Variants in LMO7 observed in about 807,000 individuals in gnomAD.
LMO7 encodes LIM domain only protein 7.
Under a neutral mutation model 206.5 loss-of-function variants are expected in LMO7, and 120 were observed. That is an observed-to-expected ratio of 0.58 (90% CI 0.50 to 0.68). LMO7 has a LOEUF of 0.68. Ranked by LOEUF, LMO7 falls within the 30% of genes least tolerant of loss-of-function variation. The pLI is 0.00. For missense variants in LMO7, 1,959 were observed against 1,957.9 expected (o/e 1.00, Z -0.01); for synonymous variants, 706 against 681.5 (o/e 1.04, Z -0.56).
chr13:75,736,200 T>C (rs1201140864), intron 3 of LMO7, among the ~76,000 whole-genome samples: 1 of 152,264 alleles, frequency 6.6e-6, no homozygotes, highest in Non-Finnish European at 1.5e-5. Flanking sequence ...GTGAACTGTG[T>C]TTCCGGTATA....
intron 4 of LMO7, among the ~76,000 whole-genome samples, chr13:75,773,953 GC>G (rs760129159): frequency 5.3e-5 from 8 of 151,042 alleles, no homozygotes; most frequent in Non-Finnish European, 1.0e-4. Flanking sequence ...TTTGTTTTTT[GC>G]CTATGCTTTC....
chr13:75,681,718 G>GTATATATATATATATATATATATA lies in LMO7; in HGVS notation c.70-31456_70-31433dup, dbSNP rs71127572. Among the ~76,000 whole-genome samples the GTATATATATATATATATATATATA allele has an allele frequency of 5.6e-4, 59 of 104,482 alleles. 3 individuals are homozygous for GTATATATATATATATATATATATA. Among genetic ancestry groups the GTATATATATATATATATATATATA allele is most frequent in the East Asian group, 8.0e-4 (3 of 3,740 alleles). The allele number at this position is 104,482 out of a possible 152,430, so 68.5% of individuals were successfully genotyped here. ...TATGTATGTATGTGTATATATATAT[G>GTATATATATATATATATATATATA]TATATATATATATATATATATATAT... is the stretch of plus-strand genomic sequence containing the variant. On this transcript the variant is annotated intron_variant, in intron 1 of 30. Transcript: ENST00000377534.
intron 26 of LMO7, among the ~76,000 whole-genome samples, chr13:75,845,722 C>T (rs139163659): frequency 2.0e-5 from 3 of 152,198 alleles, no homozygotes; most frequent in African/African-American, 7.2e-5. Flanking sequence ...TACTGGAGGA[C>T]TTAAAAATTG....
intron 1 of LMO7, among the ~76,000 whole-genome samples, chr13:75,681,852 C>T (rs961422211): frequency 6.6e-6 from 1 of 150,914 alleles, no homozygotes; most frequent in Non-Finnish European, 1.5e-5. Flanking sequence ...TAAATCATAT[C>T]TTTTTATAGC....
chr13:75,673,081 G>T (rs1206540226), intron 1 of LMO7, among the ~76,000 whole-genome samples: 4 of 151,992 alleles, frequency 2.6e-5, no homozygotes, highest in Admixed American at 2.6e-4. Context: ...AGGTTATTTT[G>T]TGGATTCACA....
At chr13:75,795,997 G>C (rs933780905) in intron 5 of LMO7, among the ~76,000 whole-genome samples, 3 of 152,022 alleles carry the variant, frequency 2.0e-5, no homozygotes, top group Non-Finnish European at 4.4e-5. Context: ...AAAACATATT[G>C]TTAGAGTGGT....
intron 3 of LMO7, among the ~76,000 whole-genome samples, chr13:75,732,899 G>A (rs1199883415): frequency 6.6e-6 from 1 of 152,166 alleles, no homozygotes; most frequent in Admixed American, 6.5e-5. Context: ...TCCAGACCCT[G>A]TTTGCCTGGG....
chr13:75,839,415 G>A (rs1182670803), intron 20 of LMO7, among the ~76,000 whole-genome samples: 1 of 152,166 alleles, frequency 6.6e-6, no homozygotes, highest in Admixed American at 6.5e-5. Flanking sequence ...AGTACTGTAT[G>A]ATAGTGTATT....
chr13:75,853,306 A>G lies in LMO7; in HGVS notation c.4579A>G (p.Thr1527Ala), dbSNP rs1167327512. The G allele has an allele frequency of 1.2e-6, 2 of 1,613,950 alleles. No homozygotes were observed. The highest frequency in any genetic ancestry group is 2.2e-5 in the East Asian group (1 of 44,856). The part of the protein sequence containing the change: ...PSAGSVKTST[T>A]GVATTQSPTP... Reference sequence around the variant, plus strand: ...AGCTGGCTCCGTGAAGACCTCCACCACAGGTGTGGCCACCACACAGTCCCC... The same window carrying G: ...AGCTGGCTCCGTGAAGACCTCCACCGCAGGTGTGGCCACCACACAGTCCCC... Residue 1527 changes from threonine (T) to alanine (A), a missense_variant, in exon 28 of 31, where the codon ACA (threonine) becomes GCA (alanine). Coordinates refer to ENST00000377534, the MANE Select transcript of LMO7 (RefSeq NM_001306080.2).
intron 20 of LMO7, among the ~76,000 whole-genome samples, chr13:75,838,868 T>C (rs894119243): frequency 5.9e-5 from 9 of 152,212 alleles, no homozygotes; most frequent in Admixed American, 1.3e-4. Flanking sequence ...CTCTGTCACA[T>C]GAATGCCGTT....
intron 4 of LMO7, among the ~76,000 whole-genome samples, chr13:75,765,257 A>G (rs1485253195): frequency 6.6e-6 from 1 of 151,880 alleles, no homozygotes; most frequent in Non-Finnish European, 1.5e-5. Flanking sequence ...TATAAGTAAA[A>G]TATACCTAGT....
chr13:75,840,797 G>A (rs1463448871), intron 22 of LMO7, among the ~76,000 whole-genome samples: 1 of 152,138 alleles, frequency 6.6e-6, no homozygotes, highest in Non-Finnish European at 1.5e-5. Context: ...TAAACTGTTT[G>A]CTGGGTCCAT....
intron 2 of LMO7, among the ~76,000 whole-genome samples, chr13:75,726,594 T>C (rs2044495790): frequency 6.6e-6 from 1 of 152,060 alleles, no homozygotes; most frequent in African/African-American, 2.4e-5. Context: ...CAAAATAATA[T>C]GATTTTGAAG....
At position 75,717,232 on chromosome 13, in the gene LMO7, G is replaced by A. The variant is rs544549760; in HGVS notation, c.140+3980G>A. On this transcript the variant is annotated intron_variant, in intron 2 of 30. Transcript: ENST00000377534. ...CAAAAAATTAGCCGGGTGTGGTGGC[G>A]GGCGCCTGTAGTCCCAGCTACTCGG... 3.9e-3 allele frequency among the ~76,000 whole-genome samples: 589 copies of A among 151,670 alleles called. 4 individuals carry two copies. The highest frequency in any genetic ancestry group is 0.014 in the African/African-American group (559 of 41,376).
At chr13:75,791,231 T>C (rs2053242809) in intron 4 of LMO7, among the ~76,000 whole-genome samples, 1 of 152,192 alleles carries the variant, frequency 6.6e-6, no homozygotes, top group Non-Finnish European at 1.5e-5. Flanking sequence ...CTTTGGTCTT[T>C]GTTTCTGTAT....
Position 75,817,179 on chromosome 13 carries a change from T to C in LMO7, c.1965T>C (p.Asp655=). 6.2e-7 allele frequency: 1 copy of C among 1,613,288 alleles called. No homozygotes were observed. The highest frequency in any genetic ancestry group is 8.5e-7 in the Non-Finnish European group (1 of 1,179,294). Residue 655 remains aspartate, a synonymous_variant, in exon 12 of 31, where the codon GAT becomes GAC. Coordinates refer to ENST00000377534, the MANE Select transcript of LMO7 (RefSeq NM_001306080.2). ...YGENGSKSMS[D]VSAEDVQNLR... ...GTTGTAGGAGTAAGTCCATGAGTGA[T>C]GTCAGCGCAGAAGATGTTCAAAACT...
At chr13:75,732,021 T>C (rs1313695249) in intron 3 of LMO7, among the ~76,000 whole-genome samples, 1 of 152,180 alleles carries the variant, frequency 6.6e-6, no homozygotes, top group Non-Finnish European at 1.5e-5. Flanking sequence ...TTTCCCTTTG[T>C]GGGTAACCCG....
chr13:75,681,718 G>GTATGTATATATATATATATA (rs1555293391), intron 1 of LMO7, among the ~76,000 whole-genome samples: 6 of 104,576 alleles, frequency 5.7e-5, no homozygotes, highest in Non-Finnish European at 9.6e-5. Flanking sequence ...ATATATATAT[G>GTATGTATATATATATATATA]TATATATATA....
At chr13:75,765,926 TG>T (rs2048810663) in intron 4 of LMO7, among the ~76,000 whole-genome samples, 1 of 152,158 alleles carries the variant, frequency 6.6e-6, no homozygotes, top group Non-Finnish European at 1.5e-5. Context: ...GCCTTCATGC[TG>T]TGGACTTCCC....
Sources: allele counts gnomAD v4.1 joint callset (sites outside exome capture counted in the v4.1 genomes callset), GRCh38; gene constraint gnomAD v4.1.1; transcripts MANE v1.5; gene names NCBI Gene and HGNC (gene_info 2026-07-23, HGNC 2026-07-21).